The following URI1 variants were observed in gnomAD, a reference collection of about 807,000 sequenced individuals.
URI1 encodes URI1 prefoldin like chaperone.
URI1 carries 39 observed loss-of-function variants against 60.2 expected under a neutral mutation model. The observed-to-expected ratio is 0.65, with a 90% confidence interval of 0.50 to 0.85. The LOEUF (loss-of-function observed/expected upper bound fraction) is 0.85. URI1 is among the 40% of genes least tolerant of loss of function. The pLI is 0.00. For missense variants in URI1, 691 were observed against 665.9 expected, an observed-to-expected ratio of 1.04 and a Z score of -0.42; for synonymous variants, 251 against 236.8, an observed-to-expected ratio of 1.06 and a Z score of -0.55.
chr19:30,012,267 G>A lies in URI1; in HGVS notation c.1179-18G>A. On this transcript the variant is annotated intron_variant, in intron 9 of 10. Coordinates refer to ENST00000392271, the MANE Select transcript of URI1 (RefSeq NM_003796.3). Reference sequence around the variant, plus strand: ...TGAGTTACGTATAGTGAATGCATATGTGTTTTGAATATCACAGAGCCTTTG... The same window carrying A: ...TGAGTTACGTATAGTGAATGCATATATGTTTTGAATATCACAGAGCCTTTG... 6.2e-7 allele frequency: 1 copy of A among 1,601,040 alleles called. No homozygotes were observed. The highest frequency in any genetic ancestry group is 8.5e-7 in the Non-Finnish European group (1 of 1,170,590).
chr19:29,965,781 G>A (rs2055384613), intron 1 of URI1, among the ~76,000 whole-genome samples: 1 of 151,974 alleles, frequency 6.6e-6, no homozygotes, highest in South Asian at 2.1e-4. Flanking sequence ...AGTGAGTAAT[G>A]ATTACTGAAA....
rs569358832 is a variant in URI1, at chr19:30,015,523, A to G, written c.*454A>G. ...TTTTAAAGGCACTTTAAAAAAATCTACTTCTCTTGTAGGTTTTGCGGCTAG... is the reference window on the plus strand; with the variant it reads ...TTTTAAAGGCACTTTAAAAAAATCTGCTTCTCTTGTAGGTTTTGCGGCTAG... On this transcript the variant is annotated 3_prime_UTR_variant, in exon 11 of 11. Transcript: ENST00000392271. 2.5e-4 allele frequency: 383 copies of G among 1,533,022 alleles called. 3 individuals are homozygous for G. Among genetic ancestry groups the G allele is most frequent in the South Asian group, 1.2e-3 (96 of 83,202 alleles). 95.0% of individuals were successfully genotyped at this position (1,533,022 alleles called of 1,614,324 possible).
chr19:29,973,754 A>C (rs958726275), intron 2 of URI1, among the ~76,000 whole-genome samples: 1 of 152,164 alleles, frequency 6.6e-6, no homozygotes, highest in Non-Finnish European at 1.5e-5. Context: ...TGAACGAAGA[A>C]ATTTATAATA....
At chr19:29,970,248 A>T (rs1454414474) in intron 1 of URI1, among the ~76,000 whole-genome samples, 4 of 150,328 alleles carry the variant, frequency 2.7e-5, no homozygotes, top group Non-Finnish European at 4.4e-5. Context: ...CAAACCAGAT[A>T]ATGCTGCTCT....
intron 1 of URI1, among the ~76,000 whole-genome samples, chr19:29,935,323 T>G (rs189750308): frequency 2.9e-4 from 44 of 152,304 alleles, no homozygotes; most frequent in Admixed American, 6.5e-4. Context: ...CTCTTTATAT[T>G]ATTATTGTCC....
At chr19:29,990,295 G>GGGACT (rs1467551520) in intron 4 of URI1, among the ~76,000 whole-genome samples, 13 of 152,192 alleles carry the variant, frequency 8.5e-5, no homozygotes, top group Admixed American at 8.5e-4. Context: ...CATTGCTGGT[G>GGGACT]GGACTGTAAA....
intron 1 of URI1, among the ~76,000 whole-genome samples, chr19:29,965,204 A>G (rs571098374): frequency 1.3e-5 from 2 of 152,312 alleles, no homozygotes; most frequent in East Asian, 1.9e-4. Context: ...CTGATGTCCA[A>G]AGTAAATGAG....
chr19:30,005,104 A>G (rs947854005), intron 4 of URI1, among the ~76,000 whole-genome samples: 2 of 152,094 alleles, frequency 1.3e-5, no homozygotes, highest in Admixed American at 6.6e-5. Flanking sequence ...GGCAGCATCT[A>G]CAATCTAGTT....
At chr19:29,942,007 G>A (rs561529961), upstream of URI1, among the ~76,000 whole-genome samples, 351 of 149,044 alleles carry the variant, frequency 2.4e-3, 1 homozygote, top group Non-Finnish European at 4.2e-3. Context: ...AGGTTCCAAA[G>A]CCTATATTTA....
At position 30,009,236 on chromosome 19, in the gene URI1, T is replaced by C. The variant is rs1127493; in HGVS notation, c.918T>C (p.Asp306=). 0.011 allele frequency: 5,144 copies of C among 475,370 alleles called. 12 individuals carry two copies. The highest frequency in any genetic ancestry group is 0.023 in the African/African-American group (975 of 42,198). 29.4% of individuals were successfully genotyped at this position (475,370 alleles called of 1,614,324 possible). A position where few individuals can be genotyped will look rare whatever the true frequency, so the allele number is the denominator to read the frequency against. The change falls in exon 8 of 11, where the codon GAT becomes GAC. Residue 306 remains aspartate, a synonymous_variant. Coordinates refer to ENST00000392271, the MANE Select transcript of URI1 (RefSeq NM_003796.3). ...YHSDDDDDDD[D]DDDDDNIDDD... ...GTGATGATGATGATGATGATGATGA[T>C]GACGACGACGACGACAACATTGACG...
At chr19:29,924,336 C>T (rs1206026791) in intron 1 of URI1, among the ~76,000 whole-genome samples, 3 of 152,156 alleles carry the variant, frequency 2.0e-5, no homozygotes, top group Admixed American at 2.0e-4. Context: ...TGCTTGCGGA[C>T]TCACCTTTTA....
chr19:30,011,486 G>T (rs947718541), intron 9 of URI1, among the ~76,000 whole-genome samples: 6 of 151,698 alleles, frequency 4.0e-5, no homozygotes, highest in Non-Finnish European at 8.8e-5. Context: ...TTTCCAAATG[G>T]TCTAGTCAGA....
intron 4 of URI1, among the ~76,000 whole-genome samples, chr19:29,991,612 C>G (rs565691166): frequency 6.6e-6 from 1 of 152,046 alleles, no homozygotes; most frequent in African/African-American, 2.4e-5. Flanking sequence ...TGCCTTACTT[C>G]CTTGGCTAGG....
intron 1 of URI1, among the ~76,000 whole-genome samples, chr19:29,935,293 C>T (rs548989424): frequency 6.6e-6 from 1 of 152,104 alleles, no homozygotes; most frequent in East Asian, 1.9e-4. Context: ...TACTTTGCTC[C>T]TATACATCTC....
chr19:29,987,848 A>AT (rs1190494100), intron 4 of URI1, among the ~76,000 whole-genome samples: 15 of 152,112 alleles, frequency 9.9e-5, no homozygotes, highest in Non-Finnish European at 1.8e-4. Flanking sequence ...ATCTAAAATA[A>AT]TTTTCAAAGT....
intron 1 of URI1, among the ~76,000 whole-genome samples, chr19:29,927,025 G>A (rs889460130): frequency 6.6e-6 from 1 of 152,190 alleles, no homozygotes; most frequent in South Asian, 2.1e-4. Flanking sequence ...CTCTGGGCTC[G>A]AGACTCCAGC....
intron 1 of URI1, among the ~76,000 whole-genome samples, chr19:29,943,970 T>C (rs1021746948): frequency 6.7e-6 from 1 of 150,052 alleles, no homozygotes; most frequent in Admixed American, 6.7e-5. Context: ...CCTCCGTCTA[T>C]ACAAAAAAAT....
At chr19:30,007,366 G>C (rs1297510982) in intron 6 of URI1, 104 bp from the exon 7 acceptor site, 1 of 1,311,512 alleles carries the variant, frequency 7.6e-7, no homozygotes. Flanking sequence ...TGACCCCTCT[G>C]TTTCAATATT....
intron 4 of URI1, among the ~76,000 whole-genome samples, chr19:30,003,883 G>A (rs1205138528): frequency 2.0e-5 from 3 of 151,980 alleles, no homozygotes; most frequent in Non-Finnish European, 4.4e-5. Flanking sequence ...ATCTAAAGCT[G>A]GTTAGACACA....
Sources: allele counts gnomAD v4.1 joint callset (sites outside exome capture counted in the v4.1 genomes callset), GRCh38; gene constraint gnomAD v4.1.1; transcripts MANE v1.5; gene names NCBI Gene and HGNC (gene_info 2026-07-23, HGNC 2026-07-21).